Variants in TEAD1 observed in about 807,000 individuals in gnomAD.
TEAD1 encodes the protein TEA domain transcription factor 1, also known as transcriptional enhancer factor TEF-1.
A neutral mutation model predicts 54.9 loss-of-function variants in TEAD1; 9 were observed. The observed-to-expected ratio is 0.16, with a 90% CI of 0.10 to 0.29. The LOEUF is 0.29. Among genes scored for constraint, TEAD1 ranks in the 10% least tolerant of loss-of-function variants. The pLI is 1.00. For missense variants in TEAD1, 387 were observed against 535.9 expected (o/e 0.72, Z 2.74); for synonymous variants, 200 against 187.8 (o/e 1.07, Z -0.53).
At chr11:12,745,138 C>T (rs898729425) in intron 2 of TEAD1, among the ~76,000 whole-genome samples, 1 of 152,126 alleles carries the variant, frequency 6.6e-6, no homozygotes, top group Admixed American at 6.6e-5. Flanking sequence ...TTCTCATCCT[C>T]CTGTAAGTGA....
At chr11:12,717,126 A>G (rs778252298) in intron 2 of TEAD1, among the ~76,000 whole-genome samples, 4 of 152,242 alleles carry the variant, frequency 2.6e-5, no homozygotes, top group African/African-American at 4.8e-5. Context: ...ATGGAATGTA[A>G]TGAATGTAGT....
At chr11:12,892,320 G>T (rs919605491) in intron 9 of TEAD1, among the ~76,000 whole-genome samples, 1 of 152,012 alleles carries the variant, frequency 6.6e-6, no homozygotes, top group South Asian at 2.1e-4. Flanking sequence ...TGTGCATGGG[G>T]GATTAGGTTG....
At chr11:12,824,780 G>A (rs1452008508) in intron 3 of TEAD1, among the ~76,000 whole-genome samples, 2 of 152,148 alleles carry the variant, frequency 1.3e-5, no homozygotes, top group East Asian at 3.9e-4. Flanking sequence ...GGTTGATGGG[G>A]CCGGGCTCCT....
intron 2 of TEAD1, among the ~76,000 whole-genome samples, chr11:12,744,964 GTGCTC>G (rs1162859898): frequency 2.0e-5 from 3 of 152,194 alleles, no homozygotes; most frequent in African/African-American, 7.2e-5. Context: ...TCCCTGAGCT[GTGCTC>G]TGCTCTGCTG....
intron 5 of TEAD1, among the ~76,000 whole-genome samples, chr11:12,867,365 T>G (rs1947638598): frequency 6.6e-6 from 1 of 152,146 alleles, no homozygotes; most frequent in Non-Finnish European, 1.5e-5. Flanking sequence ...GAGCCCTTGG[T>G]CAAAACGTGG....
rs535993725 is a variant in TEAD1 at position 12,749,657 on chromosome 11, T to C, written c.-54-14522T>C. 5.9e-5 allele frequency among the ~76,000 whole-genome samples: 9 copies of C among 152,342 alleles called. No homozygotes were observed. The East Asian group carries it at 1.5e-3, about 26-fold the overall frequency. On this transcript the variant is annotated intron_variant, in intron 2 of 12. Coordinates refer to ENST00000527636, the MANE Select transcript of TEAD1 (RefSeq NM_021961.6). ...TGTCAGACATGAGCGCATCAGACTT[T>C]CTGTCCGTACCTCTCTTGGACTGGG... is the stretch of plus-strand genomic sequence containing the variant.
intron 5 of TEAD1, 127 bp from the exon 6 acceptor site, chr11:12,879,581 A>T (rs544628835): frequency 5.4e-6 from 6 of 1,103,024 alleles, no homozygotes; most frequent in Non-Finnish European, 8.2e-6. Flanking sequence ...TTATCCATGC[A>T]TGTTTGCTTT....
At chr11:12,806,910 T>C (rs114559676) in intron 3 of TEAD1, among the ~76,000 whole-genome samples, 1 of 152,118 alleles carries the variant, frequency 6.6e-6, no homozygotes, top group Non-Finnish European at 1.5e-5. Flanking sequence ...GTAGGTTGGC[T>C]CCCATAGGCA....
At chr11:12,910,155 A>G (rs1948592352) in intron 10 of TEAD1, among the ~76,000 whole-genome samples, 1 of 152,248 alleles carries the variant, frequency 6.6e-6, no homozygotes. Flanking sequence ...TCCCAGAGCT[A>G]GAAGACATGA....
intron 9 of TEAD1, among the ~76,000 whole-genome samples, chr11:12,891,239 A>G (rs1321245197): frequency 6.6e-6 from 1 of 152,248 alleles, no homozygotes; most frequent in Admixed American, 6.5e-5. Flanking sequence ...TAGTGATTTT[A>G]GTGCATATAC....
intron 3 of TEAD1, among the ~76,000 whole-genome samples, chr11:12,784,576 C>A (rs1325387575): frequency 1.3e-5 from 2 of 152,180 alleles, no homozygotes; most frequent in Admixed American, 6.5e-5. Context: ...GATGCAGGAG[C>A]AGGGGAGTCT....
At chr11:12,814,603 G>A (rs968635667) in intron 3 of TEAD1, among the ~76,000 whole-genome samples, 1 of 152,194 alleles carries the variant, frequency 6.6e-6, no homozygotes, top group Non-Finnish European at 1.5e-5. Context: ...TTCAGAAGCC[G>A]AATAAATGAA....
At chr11:12,883,237 T>C (rs548579841) in intron 9 of TEAD1, 112 bp downstream of exon 9, 25 of 1,540,234 alleles carry the variant, frequency 1.6e-5, no homozygotes, top group South Asian at 1.3e-4. Context: ...CTGACAAATA[T>C]CCTGTGTGAA....
chr11:12,711,086 C>T (rs1943927101), intron 2 of TEAD1, among the ~76,000 whole-genome samples: 1 of 152,034 alleles, frequency 6.6e-6, no homozygotes, highest in Non-Finnish European at 1.5e-5. Context: ...GCCTGCTGGA[C>T]TTTAAATTGG....
At chr11:12,757,304 G>A (rs946995139) in intron 2 of TEAD1, among the ~76,000 whole-genome samples, 7 of 151,898 alleles carry the variant, frequency 4.6e-5, no homozygotes, top group East Asian at 1.9e-4. Flanking sequence ...TGGCTGCTCC[G>A]CCTCCCATAT....
At chr11:12,787,911 A>G (rs967277090) in intron 3 of TEAD1, among the ~76,000 whole-genome samples, 9 of 151,780 alleles carry the variant, frequency 5.9e-5, no homozygotes, top group Admixed American at 2.0e-4. Flanking sequence ...TATTTTCTAG[A>G]TATCTTTGAA....
chr11:12,687,832 C>T (rs534019364), intron 2 of TEAD1, among the ~76,000 whole-genome samples: 4 of 152,218 alleles, frequency 2.6e-5, no homozygotes, highest in African/African-American at 9.6e-5. Context: ...GACCAGTACC[C>T]CTCACCCCCG....
At chr11:12,732,562 G>A (rs138513048) in intron 2 of TEAD1, among the ~76,000 whole-genome samples, 8 of 152,268 alleles carry the variant, frequency 5.3e-5, no homozygotes, top group African/African-American at 1.9e-4. Context: ...GCCAGACCAT[G>A]GGTAATGGAT....
chr11:12,711,947 G>A (rs568514238), intron 2 of TEAD1, among the ~76,000 whole-genome samples: 2 of 152,254 alleles, frequency 1.3e-5, no homozygotes, highest in South Asian at 4.2e-4. Flanking sequence ...TGAATGTGCA[G>A]AGCCTGCCTC....
Sources: gnomAD v4.1 joint callset for allele counts (sites outside exome capture counted in the v4.1 genomes callset) on GRCh38, gnomAD v4.1.1 for gene constraint, MANE v1.5 for transcripts, NCBI Gene and HGNC (gene_info 2026-07-23, HGNC 2026-07-21) for gene names.